Variants in GRIA4 observed in about 807,000 individuals in gnomAD.
The protein encoded by GRIA4 is glutamate ionotropic receptor AMPA type subunit 4.
In GRIA4, 34 loss-of-function variants were observed where a neutral mutation model predicts 104.0. The ratio of observed to expected loss-of-function variants is 0.33; its 90% confidence interval spans 0.25 to 0.44. GRIA4 has a LOEUF of 0.44. GRIA4 is among the 20% of genes least tolerant of loss of function. The pLI, the probability that GRIA4 is intolerant of heterozygous loss-of-function variation, is 1.00. For missense variants in GRIA4, 750 were observed against 1,096.5 expected (o/e 0.68, Z 4.46); for synonymous variants, 386 against 381.9 (o/e 1.01, Z -0.13).
intron 4 of GRIA4, among the ~76,000 whole-genome samples, chr11:105,856,530 C>T (rs1246758006): frequency 3.3e-5 from 5 of 152,096 alleles, no homozygotes; most frequent in Admixed American, 3.3e-4. Context: ...CACAACCGTT[C>T]CACTTATAAC....
At chr11:105,824,863 C>G (rs1317349429) in intron 4 of GRIA4, 7 of 152,030 alleles carry the variant, frequency 4.6e-5, no homozygotes, top group Admixed American at 4.6e-4. Flanking sequence ...TATAAGATGG[C>G]AGATGTGTTG....
chr11:105,845,975 A>G (rs566661106), intron 4 of GRIA4, among the ~76,000 whole-genome samples: 2 of 152,348 alleles, frequency 1.3e-5, no homozygotes, highest in South Asian at 4.1e-4. Flanking sequence ...TTAACAGAGT[A>G]CAGAGTAAAC....
chr11:105,650,995 T>C (rs781575747), intron 3 of GRIA4, among the ~76,000 whole-genome samples: 4 of 152,184 alleles, frequency 2.6e-5, no homozygotes, highest in East Asian at 1.9e-4. Context: ...CTTTAATCAA[T>C]TGAAATACGT....
intron 4 of GRIA4, chr11:105,842,783 G>A (rs1441534217): frequency 6.6e-6 from 1 of 152,184 alleles, no homozygotes; most frequent in Non-Finnish European, 1.5e-5. Context: ...AAACACACAG[G>A]AAAGTGAAGT....
intron 4 of GRIA4, among the ~76,000 whole-genome samples, chr11:105,776,246 T>C (rs940517928): frequency 6.6e-6 from 1 of 152,138 alleles, no homozygotes; most frequent in African/African-American, 2.4e-5. Context: ...CACTTCATTA[T>C]GATGTTAGGG....
chr11:105,976,195 A>G (rs951254828), intron 16 of GRIA4, among the ~76,000 whole-genome samples: 2 of 152,076 alleles, frequency 1.3e-5, no homozygotes, highest in African/African-American at 2.4e-5. Flanking sequence ...TTAACAGTTC[A>G]TTAAAACTGA....
chr11:105,956,550 T>C (rs147871455), intron 14 of GRIA4, among the ~76,000 whole-genome samples: 11,680 of 152,234 alleles, frequency 0.077, 503 homozygotes, highest in African/African-American at 0.1. Context: ...CTATTGTGAA[T>C]AGTGCCACAA....
chr11:105,611,180 C>G, intron 2 of GRIA4, 95 bp downstream of exon 2: 3 of 847,598 alleles, frequency 3.5e-6, no homozygotes, highest in Non-Finnish European at 6.1e-6. Flanking sequence ...TCAGGGAAAC[C>G]TTCAGCAGTT....
intron 14 of GRIA4, among the ~76,000 whole-genome samples, chr11:105,971,253 T>C (rs111331798): frequency 3.3e-5 from 5 of 152,336 alleles, no homozygotes; most frequent in African/African-American, 1.2e-4. Flanking sequence ...GGTGATATTA[T>C]TTATGTTAAA....
intron 3 of GRIA4, among the ~76,000 whole-genome samples, chr11:105,716,700 T>A (rs377567362): frequency 1.3e-5 from 2 of 152,100 alleles, no homozygotes; most frequent in Non-Finnish European, 2.9e-5. Flanking sequence ...TTAACATCAA[T>A]TTAACCATTT....
At chr11:105,952,646 G>C (rs1948482395) in intron 14 of GRIA4, among the ~76,000 whole-genome samples, 1 of 152,116 alleles carries the variant, frequency 6.6e-6, no homozygotes, top group Admixed American at 6.6e-5. Flanking sequence ...ATCCAGACAA[G>C]TATCTGTGTA....
At chr11:105,876,026 T>C (rs929871593) in intron 5 of GRIA4, among the ~76,000 whole-genome samples, 2 of 152,220 alleles carry the variant, frequency 1.3e-5, no homozygotes, top group Admixed American at 1.3e-4. Context: ...TTTTAGATCT[T>C]TACTGCTTTC....
At chr11:105,694,777 T>C (rs1039985220) in intron 3 of GRIA4, among the ~76,000 whole-genome samples, 3 of 152,216 alleles carry the variant, frequency 2.0e-5, no homozygotes, top group African/African-American at 4.8e-5. Flanking sequence ...TAACTAAATA[T>C]CAAGGATTTT....
At chr11:105,811,825 A>G (rs976014296) in intron 4 of GRIA4, among the ~76,000 whole-genome samples, 3 of 152,200 alleles carry the variant, frequency 2.0e-5, no homozygotes, top group African/African-American at 4.8e-5. Context: ...ATGACGAAGC[A>G]GGTAACTGAC....
At chr11:105,826,070 A>G (rs1943759699) in intron 4 of GRIA4, among the ~76,000 whole-genome samples, 1 of 151,958 alleles carries the variant, frequency 6.6e-6, no homozygotes. Context: ...TTGCCTCCCC[A>G]GCATACTCAG....
intron 4 of GRIA4, among the ~76,000 whole-genome samples, chr11:105,817,348 T>A (rs1344283571): frequency 6.7e-6 from 1 of 149,562 alleles, no homozygotes; most frequent in East Asian, 2.0e-4. Context: ...GACCATGGCT[T>A]ATGACTAGAG....
intron 3 of GRIA4, among the ~76,000 whole-genome samples, chr11:105,719,345 G>A (rs1230296453): frequency 6.6e-6 from 1 of 152,138 alleles, no homozygotes; most frequent in Non-Finnish European, 1.5e-5. Context: ...GGCTGGCTAT[G>A]TTTTGGGAGA....
intron 4 of GRIA4, among the ~76,000 whole-genome samples, chr11:105,769,427 A>C (rs549499876): frequency 2.0e-5 from 3 of 152,030 alleles, no homozygotes; most frequent in Non-Finnish European, 4.4e-5. Flanking sequence ...AGAACAGTGT[A>C]CCCATGAGTA....
intron 4 of GRIA4, among the ~76,000 whole-genome samples, chr11:105,850,588 A>G (rs1172049816): frequency 6.6e-6 from 1 of 152,194 alleles, no homozygotes; most frequent in Non-Finnish European, 1.5e-5. Flanking sequence ...CCGGGACAAC[A>G]TCATTAACCA....
Sources: gnomAD v4.1 joint callset for allele counts (sites outside exome capture counted in the v4.1 genomes callset) on GRCh38, gnomAD v4.1.1 for gene constraint, MANE v1.5 for transcripts, NCBI Gene and HGNC (gene_info 2026-07-23, HGNC 2026-07-21) for gene names.